POFUT3: variants seen among roughly 807,000 people sequenced by gnomAD.
The protein encoded by POFUT3 is protein O-fucosyltransferase 3.
the POFUT3 span, among the ~76,000 whole-genome samples, chr8:33,425,902 CAAAA>C: frequency 2.8e-5 from 3 of 106,234 alleles, no homozygotes; most frequent in African/African-American, 6.9e-5. Flanking sequence ...AACTCCATCT[CAAAA>C]AAAAAAAAAA....
chr8:33,384,071 A>G, the POFUT3 span, among the ~76,000 whole-genome samples: 1 of 152,114 alleles, frequency 6.6e-6, no homozygotes, highest in Non-Finnish European at 1.5e-5. Flanking sequence ...CATGGCTCCA[A>G]TCAGTATCTG....
chr8:33,317,259 A>G, the POFUT3 span, among the ~76,000 whole-genome samples: 4 of 152,168 alleles, frequency 2.6e-5, no homozygotes, highest in Non-Finnish European at 5.9e-5. Context: ...ACCCCCACCA[A>G]AGAGAAAATA....
At chr8:33,361,187 C>G in the POFUT3 span, 30 of 152,274 alleles carry the variant, frequency 2.0e-4, no homozygotes, top group African/African-American at 7.0e-4. Flanking sequence ...TTAAGGTGAA[C>G]AGATGTGGAT....
the POFUT3 span, among the ~76,000 whole-genome samples, chr8:33,396,274 C>T: frequency 2.0e-5 from 3 of 152,262 alleles, no homozygotes; most frequent in South Asian, 6.2e-4. Flanking sequence ...TTCTGTATAA[C>T]CTTCTCTTTC....
chr8:33,328,904 A>G, the POFUT3 span, among the ~76,000 whole-genome samples: 1 of 152,202 alleles, frequency 6.6e-6, no homozygotes, highest in African/African-American at 2.4e-5. Context: ...GCAGACACCC[A>G]TCCATCAGTA....
chr8:33,357,526 GTATACATATATGTGTGTATATATA>G, the POFUT3 span, among the ~76,000 whole-genome samples: 122 of 150,506 alleles, frequency 8.1e-4, no homozygotes, highest in African/African-American at 2.8e-3. Flanking sequence ...GTGTGTGTGT[GTATACATATATGTGTGTATATATA>G]TATACATATA....
the POFUT3 span, chr8:33,361,212 C>A: frequency 1.3e-5 from 2 of 152,314 alleles, no homozygotes; most frequent in Admixed American, 6.5e-5. Flanking sequence ...TGGAGCAGAA[C>A]TGTTTGCCCC....
chr8:33,432,300 G>A, the POFUT3 span, among the ~76,000 whole-genome samples: 6 of 151,704 alleles, frequency 4.0e-5, no homozygotes, highest in Non-Finnish European at 8.8e-5. Flanking sequence ...CCAGCTACTC[G>A]GGAGGCTGAG....
the POFUT3 span, among the ~76,000 whole-genome samples, chr8:33,440,948 G>T: frequency 1.3e-5 from 2 of 152,106 alleles, no homozygotes; most frequent in Non-Finnish European, 1.5e-5. Flanking sequence ...TTTCTTAAAG[G>T]CCAGGGGACT....
At chr8:33,311,849 C>G in the POFUT3 span, among the ~76,000 whole-genome samples, 9 of 152,246 alleles carry the variant, frequency 5.9e-5, no homozygotes, top group Admixed American at 2.0e-4. Context: ...GTTCAAGTCA[C>G]AACTCCCAAT....
the POFUT3 span, among the ~76,000 whole-genome samples, chr8:33,387,629 C>T: frequency 6.6e-6 from 1 of 152,112 alleles, no homozygotes; most frequent in African/African-American, 2.4e-5. Flanking sequence ...CATGGTGAAA[C>T]CCCGTCTCTA....
At chr8:33,389,741 G>A in the POFUT3 span, 4 of 1,614,156 alleles carry the variant, frequency 2.5e-6, no homozygotes, top group African/African-American at 4.0e-5. Context: ...ATGAAAAACA[G>A]CCCAGTCATG....
chr8:33,321,081 A>G, the POFUT3 span, among the ~76,000 whole-genome samples: 1 of 152,056 alleles, frequency 6.6e-6, no homozygotes, highest in Non-Finnish European at 1.5e-5. Flanking sequence ...TCCTTCTAAG[A>G]CTTCCAAATC....
At chr8:33,458,903 G>A in the POFUT3 span, among the ~76,000 whole-genome samples, 1 of 152,126 alleles carries the variant, frequency 6.6e-6, no homozygotes, top group Admixed American at 6.6e-5. Flanking sequence ...GCACCATATT[G>A]TCTGCCAAAG....
the POFUT3 span, among the ~76,000 whole-genome samples, chr8:33,446,774 A>G: frequency 6.6e-6 from 1 of 152,166 alleles, no homozygotes; most frequent in African/African-American, 2.4e-5. Context: ...TGAATCTCCT[A>G]TGTAGGTCAA....
chr8:33,320,215 C>G, the POFUT3 span, among the ~76,000 whole-genome samples: 2,100 of 151,988 alleles, frequency 0.014, 54 homozygotes, highest in African/African-American at 0.047. Context: ...AGGGGGGCAT[C>G]TGATACACAT....
chr8:33,318,499 A>G, the POFUT3 span, among the ~76,000 whole-genome samples: 1 of 107,262 alleles, frequency 9.3e-6, no homozygotes, highest in East Asian at 2.8e-4. Context: ...TACATATATT[A>G]TAATATAATA....
At chr8:33,371,181 A>G in the POFUT3 span, 2 of 152,240 alleles carry the variant, frequency 1.3e-5, no homozygotes, top group Non-Finnish European at 2.9e-5. Context: ...AGATATGTCC[A>G]AGATCATATT....
the POFUT3 span, among the ~76,000 whole-genome samples, chr8:33,343,244 C>G: frequency 6.6e-6 from 1 of 152,176 alleles, no homozygotes; most frequent in Non-Finnish European, 1.5e-5. Flanking sequence ...AGATCTCTGT[C>G]CTGACCTCTG....
Sources: gnomAD v4.1 joint callset for allele counts (sites outside exome capture counted in the v4.1 genomes callset) on GRCh38, gnomAD v4.1.1 for gene constraint, MANE v1.5 for transcripts, NCBI Gene and HGNC (gene_info 2026-07-23, HGNC 2026-07-21) for gene names.